Variants in NALF1 observed in about 807,000 individuals in gnomAD.
NALF1 encodes NALCN channel auxiliary factor 1, also known as family with sequence similarity 155 member A.
NALF1 carries 3 observed loss-of-function variants against 48.4 expected under a neutral mutation model. That is an observed-to-expected ratio of 0.06 (90% CI 0.03 to 0.16). The LOEUF (loss-of-function observed/expected upper bound fraction) is 0.16, where lower values mean the gene tolerates loss of function less well. Ranked by LOEUF, NALF1 falls within the 10% of genes least tolerant of loss-of-function variation. NALF1 has a pLI of 1.00. For synonymous variants in NALF1, 262 were observed against 245.7 expected (o/e 1.07, Z -0.62); for missense variants, 526 against 571.5 (o/e 0.92, Z 0.81).
intron 1 of NALF1, among the ~76,000 whole-genome samples, chr13:107,232,424 C>T (rs1345303975): frequency 6.6e-6 from 1 of 152,160 alleles, no homozygotes; most frequent in Non-Finnish European, 1.5e-5. Context: ...AAAGATGATG[C>T]AGTATTAACA....
At position 107,640,286 on chromosome 13, in the gene NALF1, A is replaced by G. The variant is rs908438092; in HGVS notation, c.915+225396T>C. Reference sequence around the variant, plus strand: ...AAATAAAAATTATAACCTGCCCTATATAACACAGTGTACAGCTAAACTGAT... The same window carrying G: ...AAATAAAAATTATAACCTGCCCTATGTAACACAGTGTACAGCTAAACTGAT... On this transcript the variant is annotated intron_variant, in intron 1 of 2. Coordinates refer to ENST00000375915, the MANE Select transcript of NALF1 (RefSeq NM_001080396.3). Among the ~76,000 whole-genome samples the G allele has an allele frequency of 2.6e-5, 4 of 152,198 alleles. No individual in the cohort carries two copies. The East Asian group carries it at 7.7e-4, about 29-fold the overall frequency.
Position 107,866,695 on chromosome 13 carries a change from C to T in NALF1, c.-99G>A, listed in dbSNP as rs1015834158. 3.1e-6 allele frequency: 3 copies of T among 965,618 alleles called. No homozygotes were observed. The highest frequency in any genetic ancestry group is 1.6e-5 in the African/African-American group (1 of 60,852). 59.8% of individuals were successfully genotyped at this position (965,618 alleles called of 1,614,324 possible). A position where few individuals can be genotyped will look rare whatever the true frequency, so the allele number is the denominator to read the frequency against. ...ACTTAAAGGGTTTAATTTCCTTATC[C>T]CCTCCTCCCGTTTCTTCTCTCTCCT... On this transcript the variant is annotated 5_prime_UTR_variant, in exon 1 of 3. Transcript: ENST00000375915. This position sits in a 1 kb window ranked among gnomAD's most constrained non-coding sequence, Gnocchi z 4.4.
intron 1 of NALF1, among the ~76,000 whole-genome samples, chr13:107,658,674 T>C (rs1378908619): frequency 3.3e-5 from 5 of 152,118 alleles, no homozygotes; most frequent in Non-Finnish European, 7.4e-5. Context: ...TGTAGCTTTG[T>C]ATTGCTCTAA....
chr13:107,492,435 T>G (rs1450032745), intron 1 of NALF1, among the ~76,000 whole-genome samples: 1 of 152,152 alleles, frequency 6.6e-6, no homozygotes, highest in Non-Finnish European at 1.5e-5. Flanking sequence ...CCCTACAGTA[T>G]TGTCCTCTTG....
At chr13:107,654,345 T>G (rs1880523292) in intron 1 of NALF1, among the ~76,000 whole-genome samples, 1 of 152,168 alleles carries the variant, frequency 6.6e-6, no homozygotes. Flanking sequence ...AGCAATGCCA[T>G]TACTTTTAAT....
At chr13:107,430,839 G>A (rs1884367545) in intron 1 of NALF1, among the ~76,000 whole-genome samples, 1 of 152,102 alleles carries the variant, frequency 6.6e-6, no homozygotes. Context: ...TGGGTCAAAT[G>A]GTATTTCTAG....
chr13:107,513,081 A>G (rs879309231), intron 1 of NALF1, among the ~76,000 whole-genome samples: 1 of 152,250 alleles, frequency 6.6e-6, no homozygotes, highest in Non-Finnish European at 1.5e-5. Flanking sequence ...TTTCAAAATA[A>G]GCATTCAAAA....
intron 1 of NALF1, among the ~76,000 whole-genome samples, chr13:107,326,364 C>T (rs1394789316): frequency 1.3e-5 from 2 of 152,030 alleles, no homozygotes; most frequent in Admixed American, 6.6e-5. Flanking sequence ...GAAAATCTGG[C>T]CAGTCACAGG....
intron 1 of NALF1, among the ~76,000 whole-genome samples, chr13:107,782,987 C>A (rs867456080): frequency 1.4e-5 from 2 of 146,616 alleles, no homozygotes; most frequent in Middle Eastern, 3.6e-3. Flanking sequence ...GCCCCCCGCC[C>A]GGCCAGCCGC....
chr13:107,684,470 T>C (rs1881382596), intron 1 of NALF1, among the ~76,000 whole-genome samples: 1 of 152,192 alleles, frequency 6.6e-6, no homozygotes. Context: ...TCAGCAATCC[T>C]AGATAAATAT....
At chr13:107,394,922 G>A (rs2138986111) in intron 1 of NALF1, among the ~76,000 whole-genome samples, 1 of 152,252 alleles carries the variant, frequency 6.6e-6, no homozygotes, top group South Asian at 2.1e-4. Flanking sequence ...AACCAGAAAT[G>A]GCAGGAGATG....
chr13:107,857,812 A>T (rs1038610179), intron 1 of NALF1, among the ~76,000 whole-genome samples: 4 of 152,322 alleles, frequency 2.6e-5, no homozygotes, highest in Non-Finnish European at 4.4e-5. Flanking sequence ...CTATACAGAA[A>T]ATTTATATGA....
At chr13:107,755,738 G>A (rs1877076603) in intron 1 of NALF1, among the ~76,000 whole-genome samples, 1 of 152,066 alleles carries the variant, frequency 6.6e-6, no homozygotes, top group South Asian at 2.1e-4. Context: ...CAGAGGAAAA[G>A]CTACAATCTA....
chr13:107,638,407 A>T (rs1880050755), intron 1 of NALF1, among the ~76,000 whole-genome samples: 1 of 151,854 alleles, frequency 6.6e-6, no homozygotes, highest in African/African-American at 2.4e-5. Context: ...TCATTCATTC[A>T]TTCATTCATT....
intron 1 of NALF1, among the ~76,000 whole-genome samples, chr13:107,217,193 C>T (rs567012731): frequency 3.3e-5 from 5 of 152,268 alleles, no homozygotes; most frequent in East Asian, 1.9e-4. Context: ...TTCCAAGCTC[C>T]TTGGCCCCTC....
At chr13:107,542,999 G>A (rs566440696) in intron 1 of NALF1, among the ~76,000 whole-genome samples, 2 of 151,780 alleles carry the variant, frequency 1.3e-5, no homozygotes, top group East Asian at 1.9e-4. Flanking sequence ...TATCACCTTC[G>A]CAAACACTAT....
chr13:107,658,791 G>A (rs989416991), intron 1 of NALF1, among the ~76,000 whole-genome samples: 4 of 151,914 alleles, frequency 2.6e-5, no homozygotes, highest in Admixed American at 1.3e-4. Flanking sequence ...TAATCCCACT[G>A]CCTTGAATCA....
chr13:107,756,780 C>T (rs1877111898), intron 1 of NALF1, among the ~76,000 whole-genome samples: 1 of 152,090 alleles, frequency 6.6e-6, no homozygotes, highest in Non-Finnish European at 1.5e-5. Flanking sequence ...CCCTCGGAAC[C>T]AGGACCTACG....
intron 1 of NALF1, among the ~76,000 whole-genome samples, chr13:107,750,846 T>G (rs1479059227): frequency 3.3e-5 from 5 of 152,216 alleles, no homozygotes; most frequent in Non-Finnish European, 2.9e-5. Context: ...CTCTGTAAAG[T>G]ACACTAACCT....
Sources: allele counts gnomAD v4.1 joint callset (sites outside exome capture counted in the v4.1 genomes callset), GRCh38; gene constraint gnomAD v4.1.1; non-coding constraint Gnocchi (gnomAD v3.1); transcripts MANE v1.5; gene names NCBI Gene and HGNC (gene_info 2026-07-23, HGNC 2026-07-21).